TP63: variants seen among roughly 807,000 people sequenced by gnomAD.
The protein encoded by TP63 is tumor protein p63.
A neutral mutation model predicts 82.8 loss-of-function variants in TP63; 17 were observed. The ratio of observed to expected loss-of-function variants is 0.21; its 90% CI spans 0.14 to 0.31. The LOEUF is 0.31. TP63 is among the 10% of genes least tolerant of loss of function. The pLI, the probability that TP63 is intolerant of heterozygous loss-of-function variation, is 1.00. For synonymous variants in TP63, 330 were observed against 321.7 expected, an observed-to-expected ratio of 1.03 and a Z score of -0.28; for missense variants, 648 against 895.3, an observed-to-expected ratio of 0.72 and a Z score of 3.52.
the TP63 span, among the ~76,000 whole-genome samples, chr3:189,614,390 C>T: frequency 2.5e-3 from 386 of 152,224 alleles, 1 homozygote; most frequent in Middle Eastern, 6.8e-3. Context: ...CTCTCAGCCA[C>T]GTGGAATTCT....
intron 8 of TP63, 31 bp downstream of exon 8, chr3:189,868,747 G>A (rs1718042452): frequency 1.9e-6 from 3 of 1,613,614 alleles, no homozygotes; most frequent in Non-Finnish European, 2.5e-6. Flanking sequence ...AATGGGGTAG[G>A]GTTGAATCTT....
chr3:189,726,332 C>G (rs1719776639), intron 1 of TP63, among the ~76,000 whole-genome samples: 2 of 151,978 alleles, frequency 1.3e-5, no homozygotes, highest in Admixed American at 1.3e-4. Flanking sequence ...AGAATATTGA[C>G]AATAATATTC....
chr3:189,802,339 G>A (rs896536060), intron 3 of TP63, among the ~76,000 whole-genome samples: 1 of 152,206 alleles, frequency 6.6e-6, no homozygotes, highest in African/African-American at 2.4e-5. Context: ...TATCAGCTGA[G>A]GAAACTGTAT....
chr3:189,635,069 A>G (rs1729692293), intron 1 of TP63, among the ~76,000 whole-genome samples: 1 of 152,164 alleles, frequency 6.6e-6, no homozygotes, highest in African/African-American at 2.4e-5. Flanking sequence ...TTATGTGATC[A>G]CTGAGGGCTA....
In TP63 at chr3:189,774,008, C is replaced by T. The variant is rs558425057; in HGVS notation, c.325-34264C>T. Among the ~76,000 whole-genome samples, 231 of 150,420 alleles carry T rather than the reference C, an allele frequency of 1.5e-3. 1 individual carries two copies. The highest frequency in any genetic ancestry group is 5.0e-3 in the African/African-American group (203 of 40,930). On this transcript the variant is annotated intron_variant, in intron 3 of 13. Coordinates refer to ENST00000264731, the MANE Select transcript of TP63 (RefSeq NM_003722.5). Reference sequence around the variant, plus strand: ...CACGATCTTGGCTCACTGCAAGCTCCGCCTCCTGGGTTCATGCCATTCTCC... The same window carrying T: ...CACGATCTTGGCTCACTGCAAGCTCTGCCTCCTGGGTTCATGCCATTCTCC...
chr3:189,856,853 C>T (rs534714952), intron 4 of TP63, among the ~76,000 whole-genome samples: 10 of 151,888 alleles, frequency 6.6e-5, no homozygotes, highest in Admixed American at 2.6e-4. Flanking sequence ...AACTATAAAA[C>T]ATTTCTGAGT....
intron 1 of TP63, among the ~76,000 whole-genome samples, chr3:189,701,354 G>A: frequency 6.6e-6 from 1 of 151,918 alleles, no homozygotes; most frequent in East Asian, 1.9e-4. Flanking sequence ...AGTAAATGAA[G>A]GAGTGAGTCT....
intron 4 of TP63, among the ~76,000 whole-genome samples, chr3:189,861,804 G>C (rs375054924): frequency 1.3e-5 from 2 of 152,196 alleles, no homozygotes; most frequent in African/African-American, 4.8e-5. Context: ...TAAGAGAACA[G>C]AGACATAAGA....
intron 7 of TP63, 132 bp downstream of exon 7, chr3:189,868,074 C>A: frequency 1.3e-6 from 1 of 784,206 alleles, no homozygotes. Flanking sequence ...TAAATCCTTG[C>A]TACAAACGGT....
At chr3:189,749,808 A>T (rs181384136) in intron 3 of TP63, among the ~76,000 whole-genome samples, 1 of 152,178 alleles carries the variant, frequency 6.6e-6, no homozygotes, top group Non-Finnish European at 1.5e-5. Context: ...TATATACACA[A>T]TGGAATACTA....
At chr3:189,851,398 T>C (rs960016271) in intron 4 of TP63, among the ~76,000 whole-genome samples, 5 of 151,698 alleles carry the variant, frequency 3.3e-5, no homozygotes, top group Non-Finnish European at 1.5e-5. Flanking sequence ...CCGTCTCTGC[T>C]GAAGAAAAAG....
intron 3 of TP63, among the ~76,000 whole-genome samples, chr3:189,773,703 A>G (rs1723545434): frequency 6.6e-6 from 1 of 152,126 alleles, no homozygotes; most frequent in African/African-American, 2.4e-5. Flanking sequence ...ATATTGTTTA[A>G]TCATCCTCTC....
chr3:189,626,017 G>A, the TP63 span, among the ~76,000 whole-genome samples: 1 of 152,132 alleles, frequency 6.6e-6, no homozygotes, highest in Non-Finnish European at 1.5e-5. Context: ...ATGTTTATTT[G>A]ATGAATTTCA....
In TP63 at chr3:189,738,738, C is replaced by A; in HGVS notation, c.288C>A (p.Ile96=). The stretch of plus-strand genomic sequence containing the variant: ...AGATTGAGATTAGCATGGACTGTAT[C>A]CGCATGCAGGACTCGGACCTGAGTG... ...TNKIEISMDC[I]RMQDSDLSDP... Residue 96 remains isoleucine, a synonymous_variant, in exon 3 of 14, where the codon ATC becomes ATA. Coordinates refer to ENST00000264731, the MANE Select transcript of TP63 (RefSeq NM_003722.5). 1 of 1,614,132 alleles carries A rather than the reference C, an allele frequency of 6.2e-7. No homozygotes were observed. The highest frequency in any genetic ancestry group is 1.1e-5 in the South Asian group (1 of 91,078).
At chr3:189,612,236 A>T in the TP63 span, among the ~76,000 whole-genome samples, 6 of 150,932 alleles carry the variant, frequency 4.0e-5, no homozygotes, top group East Asian at 1.2e-3. Flanking sequence ...TTTCAGCTTG[A>T]GTTGTATCTC....
At chr3:189,600,217 G>A in the TP63 span, among the ~76,000 whole-genome samples, 1,892 of 152,296 alleles carry the variant, frequency 0.012, 43 homozygotes, top group African/African-American at 0.043. Context: ...TCACTGTTGG[G>A]AGAGGGGGTG....
At chr3:189,874,330 C>A (rs1718782671) in intron 10 of TP63, among the ~76,000 whole-genome samples, 1 of 152,156 alleles carries the variant, frequency 6.6e-6, no homozygotes, top group South Asian at 2.1e-4. Flanking sequence ...CCTCGGCTTC[C>A]CAGAGTGCTG....
rs1212938307 is a variant in TP63, at chr3:189,734,148, GTCCC to G, written c.63-3574_63-3571del. Among the ~76,000 whole-genome samples, 222 of 62,084 alleles carry G rather than the reference GTCCC, an allele frequency of 3.6e-3. 1 individual carries two copies. The highest frequency in any genetic ancestry group is 5.6e-3 in the Non-Finnish European group (197 of 35,290). The allele number at this position is 62,084 out of a possible 152,430, so 40.7% of individuals were successfully genotyped here. The stretch of plus-strand genomic sequence containing the variant: ...TCTCTTTCCCTCCCTCCCTCCCTCC[GTCCC>G]TCCCTCCCTCCCTCCCTTCTTTTTT... On this transcript the variant is annotated intron_variant, in intron 1 of 13. Transcript: ENST00000264731.
chr3:189,722,124 G>A (rs1262334585), intron 1 of TP63, among the ~76,000 whole-genome samples: 4 of 152,184 alleles, frequency 2.6e-5, no homozygotes, highest in African/African-American at 4.8e-5. Context: ...GCCTTCCTAG[G>A]AGAGTAATGA....
Sources: allele counts gnomAD v4.1 joint callset (sites outside exome capture counted in the v4.1 genomes callset), GRCh38; gene constraint gnomAD v4.1.1; transcripts MANE v1.5; gene names NCBI Gene and HGNC (gene_info 2026-07-23, HGNC 2026-07-21).